SHC1: variants seen among roughly 807,000 people sequenced by gnomAD.
SHC1 encodes the protein SHC adaptor protein 1.
In SHC1, 30 loss-of-function variants were observed where a neutral mutation model predicts 55.9. The observed-to-expected ratio is 0.54, with a 90% CI of 0.40 to 0.73. SHC1 has a LOEUF of 0.73. Among genes scored for constraint, SHC1 ranks in the 30% least tolerant of loss-of-function variants. SHC1 has a pLI of 0.00. For synonymous variants in SHC1, 309 were observed against 306.1 expected, an observed-to-expected ratio of 1.01 and a Z score of -0.10; for missense variants, 675 against 777.1, an observed-to-expected ratio of 0.87 and a Z score of 1.56.
chr1:154,966,481 C>A lies in SHC1; in HGVS notation c.1020G>T (p.Glu340Asp). The A allele has an allele frequency of 1.2e-6, 2 of 1,608,592 alleles. No homozygotes were observed. The highest frequency in any genetic ancestry group is 8.5e-7 in the Non-Finnish European group (1 of 1,176,852). Residue 340 changes from glutamate (E) to aspartate (D), a missense_variant, in exon 8 of 12, where the codon GAG becomes GAT. By Grantham distance (45) the Glu-to-Asp change is conservative. This residue lies in a region of SHC1 where 360 missense variants were observed against 371.1 expected (regional missense o/e 0.97). Coordinates refer to ENST00000448116, the MANE Select transcript of SHC1 (RefSeq NM_001130040.2). ...AGFDGSAWDE[E>D]EEEPPDHQYY... Reference sequence around the variant, plus strand: ...ACTGATGGTCAGGTGGCTCTTCCTCCTCCTCATCCCATGCTGAGCCATCAA... The same window carrying A: ...ACTGATGGTCAGGTGGCTCTTCCTCATCCTCATCCCATGCTGAGCCATCAA...
intron 11 of SHC1, among the ~76,000 whole-genome samples, chr1:154,964,949 G>A (rs1655750338): frequency 6.6e-6 from 1 of 152,322 alleles, no homozygotes; most frequent in African/African-American, 2.4e-5. Flanking sequence ...TTCCTTATTT[G>A]TCAAAAGAGG....
chr1:154,964,396 C>G (rs1156407434), intron 11 of SHC1: 1 of 400,070 alleles, frequency 2.5e-6, no homozygotes, highest in African/African-American at 2.1e-5. Context: ...CAAAAATTAG[C>G]CAGGTGTGCC....
rs748153902 is a variant in SHC1, at chr1:154,966,196, G to A, written c.1218C>T (p.Val406=). 2.0e-5 allele frequency: 32 copies of A among 1,614,004 alleles called. No individual in the cohort carries two copies. The highest frequency in any genetic ancestry group is 2.6e-5 in the Non-Finnish European group (31 of 1,180,030). The change falls in exon 9 of 12, where the codon GTC becomes GTT. Residue 406 remains valine (V), a synonymous_variant. Coordinates refer to ENST00000448116, the MANE Select transcript of SHC1 (RefSeq NM_001130040.2). ...VGQPVGGDPE[V]RKQMPPPPPC... ...GTGGTGGAGGTGGCATCTGTTTGCGGACTTCTGGATCTCCCCCAACAGGCT... is the reference window on the plus strand; with the variant it reads ...GTGGTGGAGGTGGCATCTGTTTGCGAACTTCTGGATCTCCCCCAACAGGCT...
chr1:154,971,936 CA>C (rs111666890), upstream of SHC1, among the ~76,000 whole-genome samples: 185 of 135,778 alleles, frequency 1.4e-3, no homozygotes, highest in Middle Eastern at 3.6e-3. Flanking sequence ...GGAAAGTGAC[CA>C]AAAAAAAAAA....
chr1:154,970,884 C>T (rs986069131), upstream of SHC1: 1 of 192,370 alleles, frequency 5.2e-6, no homozygotes, highest in Admixed American at 5.5e-5. The surrounding 1 kb of genome is among the most constrained non-coding windows in gnomAD (Gnocchi z 5.5). Context: ...GCCCCAACCT[C>T]GAACTGGAGC....
At chr1:154,965,499 C>G (rs753949966) in intron 11 of SHC1, 44 bp downstream of exon 11, 1 of 1,614,062 alleles carries the variant, frequency 6.2e-7, no homozygotes, top group Non-Finnish European at 8.5e-7. Flanking sequence ...GGGTACTGTA[C>G]CTTCCTTTTT....
intron 4 of SHC1, 52 bp downstream of exon 4, chr1:154,968,443 C>G (rs1417691339): frequency 8.1e-6 from 13 of 1,611,904 alleles, no homozygotes; most frequent in Non-Finnish European, 1.1e-5. Context: ...AACTAGATCT[C>G]CCCTTAGCAC....
chr1:154,969,322 T>C (rs1319535682), intron 2 of SHC1, 56 bp downstream of exon 2: 2 of 1,253,046 alleles, frequency 1.6e-6, no homozygotes, highest in Non-Finnish European at 2.3e-6. Flanking sequence ...CCCTCCTCTG[T>C]TTCCCATGGC....
Position 154,965,998 on chromosome 1 carries a change from C to G in SHC1, c.1335G>C (p.Gly445=). ...TGCCATTGATAGCAGGATTGGGGGG[C>G]CCAGCACCACCCACTGCTTGCCGGG... ...DKARQAVGGA[G]PPNPAINGSA... The change falls in exon 10 of 12, where the codon GGG becomes GGC. Residue 445 remains glycine, a synonymous_variant. Transcript: ENST00000448116. 6.2e-7 allele frequency: 1 copy of G among 1,613,968 alleles called. No homozygotes were observed.
chr1:154,962,458 CGGGCCTAGGCT>C lies in SHC1; in HGVS notation c.*1334_*1344del, dbSNP rs949813475. 2.6e-5 allele frequency: 4 copies of C among 152,610 alleles called. No homozygotes were observed. The highest frequency in any genetic ancestry group is 2.6e-4 in the Admixed American group (4 of 15,276). 9.5% of individuals were successfully genotyped at this position (152,610 alleles called of 1,614,324 possible). ...CCGGCTTGCTGTGGTGTGGCCACCCCGGGCCTAGGCTGGGCCGGGCCTGTAGAAGGTACTCA... is the reference window on the plus strand; with the variant it reads ...CCGGCTTGCTGTGGTGTGGCCACCCCGGGCCGGGCCTGTAGAAGGTACTCA... On this transcript the variant is annotated 3_prime_UTR_variant, in exon 12 of 12. Coordinates refer to ENST00000448116, the MANE Select transcript of SHC1 (RefSeq NM_001130040.2).
chr1:154,964,045 G>C, intron 11 of SHC1, 114 bp from the exon 12 acceptor site: 1 of 1,115,768 alleles, frequency 9.0e-7, no homozygotes, highest in Non-Finnish European at 1.4e-6. Flanking sequence ...AGAAAAAAAT[G>C]GTGGGGGAGA....
chr1:154,969,255 A>G (rs1656423460), intron 2 of SHC1, 123 bp downstream of exon 2: 4 of 702,662 alleles, frequency 5.7e-6, no homozygotes, highest in Non-Finnish European at 1.0e-5. Flanking sequence ...GCTTTCTCTC[A>G]ATCCCCTTTA....
Position 154,968,572 on chromosome 1 carries a change from G to T in SHC1, c.673C>A (p.Leu225Met). Residue 225 changes from leucine (L) to methionine (M), a missense_variant, in exon 4 of 12, where the codon CTG becomes ATG. By Grantham distance (15) the Leu-to-Met change is conservative. Around this residue, in one of 3 missense-constraint regions of SHC1, gnomAD observed 159 missense variants for 246.9 expected, o/e 0.64. Transcript: ENST00000448116. ...PLSSILGRSNLKFAGMPITLT... is the reference protein window; with the variant it reads ...PLSSILGRSNMKFAGMPITLT... ...GTGATTGGCATTCCAGCAAATTTCA[G>T]GTTACTCCTCCCCAGGATAGAGCTG... 6.2e-7 allele frequency: 1 copy of T among 1,614,120 alleles called. No homozygotes were observed. The highest frequency in any genetic ancestry group is 8.5e-7 in the Non-Finnish European group (1 of 1,180,028).
In SHC1 at chr1:154,963,683, C is replaced by G; in HGVS notation, c.*120G>C. ...CTGGATATGAAACCCAGAGTCCATGCTACTCCCAGCTCTGACACAAGGCCA... is the reference window on the plus strand; with the variant it reads ...CTGGATATGAAACCCAGAGTCCATGGTACTCCCAGCTCTGACACAAGGCCA... On this transcript the variant is annotated 3_prime_UTR_variant, in exon 12 of 12. Coordinates refer to ENST00000448116, the MANE Select transcript of SHC1 (RefSeq NM_001130040.2). The G allele has an allele frequency of 1.9e-6, 2 of 1,030,010 alleles. No individual in the cohort carries two copies. Among genetic ancestry groups the G allele is most frequent in the Non-Finnish European group, 2.9e-6 (2 of 693,010 alleles). 63.8% of individuals were successfully genotyped at this position (1,030,010 alleles called of 1,614,324 possible).
rs768591153 is a variant in SHC1 at position 154,968,576 on chromosome 1, A to G, written c.669T>C (p.Ser223=). Residue 223 remains serine, a synonymous_variant, in exon 4 of 12, where the codon AGT becomes AGC. Transcript: ENST00000448116. ...SRPLSSILGR[S]NLKFAGMPIT... ...TTGGCATTCCAGCAAATTTCAGGTTACTCCTCCCCAGGATAGAGCTGAGCG... is the reference window on the plus strand; with the variant it reads ...TTGGCATTCCAGCAAATTTCAGGTTGCTCCTCCCCAGGATAGAGCTGAGCG... 1.4e-5 allele frequency: 23 copies of G among 1,613,554 alleles called. No homozygotes were observed. The highest frequency in any genetic ancestry group is 1.9e-5 in the Non-Finnish European group (23 of 1,179,914).
At chr1:154,969,540 A>C in intron 1 of SHC1, 92 bp from the exon 2 acceptor site, 1 of 789,604 alleles carries the variant, frequency 1.3e-6, no homozygotes, top group Non-Finnish European at 2.2e-6. Context: ...TATGGTCCCT[A>C]AGGGAAGTAA....
upstream of SHC1, among the ~76,000 whole-genome samples, chr1:154,971,534 C>T (rs1386293920): frequency 6.6e-6 from 1 of 152,166 alleles, no homozygotes; most frequent in Non-Finnish European, 1.5e-5. Context: ...CTCCCCTTTC[C>T]ACAGGGCTTG....
rs1656188084 is a variant in SHC1 at position 154,967,724 on chromosome 1, C to A, written c.930G>T (p.Leu310Phe). The A allele has an allele frequency of 6.2e-7, 1 of 1,613,986 alleles. No individual in the cohort carries two copies. The highest frequency in any genetic ancestry group is 8.5e-7 in the Non-Finnish European group (1 of 1,180,008). Residue 310 changes from leucine (L) to phenylalanine (F), a missense_variant, in exon 7 of 12, where the codon TTG (leucine) becomes TTT (phenylalanine). By Grantham distance (22) the Leu-to-Phe change is conservative (BLOSUM62 0). Coordinates refer to ENST00000448116, the MANE Select transcript of SHC1 (RefSeq NM_001130040.2). Reference protein sequence around the residue: ...VISTIGQAFELRFKQYLRNPP... With the variant: ...VISTIGQAFEFRFKQYLRNPP... ...GGTTCCTGAGGTATTGTTTGAAGCG[C>A]AACTCGAAGGCCTGGCCAATGGTGC...
upstream of SHC1, among the ~76,000 whole-genome samples, chr1:154,972,765 CA>C (rs1227321614): frequency 7.9e-5 from 12 of 151,960 alleles, no homozygotes; most frequent in Admixed American, 5.9e-4. Context: ...GAGGAGGGGA[CA>C]GGGGCGGGAA....
Sources: gnomAD v4.1 joint callset for allele counts (sites outside exome capture counted in the v4.1 genomes callset) on GRCh38, gnomAD v4.1.1 for gene constraint, gnomAD v4.1.1 regional missense constraint, Gnocchi (gnomAD v3.1) non-coding constraint, MANE v1.5 for transcripts, NCBI Gene and HGNC (gene_info 2026-07-23, HGNC 2026-07-21) for gene names.